PTPRK: variants seen among roughly 807,000 people sequenced by gnomAD.
PTPRK encodes the protein receptor-type tyrosine-protein phosphatase kappa.
PTPRK carries 75 observed loss-of-function variants against 178.0 expected under a neutral mutation model. That is an observed-to-expected ratio of 0.42 (90% CI 0.35 to 0.51). PTPRK has a LOEUF of 0.51. PTPRK is among the 20% of genes least tolerant of loss of function. PTPRK has a pLI of 0.02. For synonymous variants in PTPRK, 637 were observed against 620.6 expected (o/e 1.03, Z -0.39); for missense variants, 1,441 against 1,797.8 (o/e 0.80, Z 3.59).
At chr6:128,471,604 T>TAAAAAAAAAAAAAAAAAAAA (rs34372021) in intron 1 of PTPRK, among the ~76,000 whole-genome samples, 1 of 63,598 alleles carries the variant, frequency 1.6e-5, no homozygotes, top group African/African-American at 5.4e-5. Context: ...CAAAACAACC[T>TAAAAAAAAAAAAAAAAAAAA]AAAAAAAAAA....
intron 2 of PTPRK, among the ~76,000 whole-genome samples, chr6:128,352,814 T>C (rs893793238): frequency 1.3e-5 from 2 of 152,164 alleles, no homozygotes; most frequent in African/African-American, 4.8e-5. Flanking sequence ...TGCTCAGTAG[T>C]GTAGGAATAT....
At chr6:128,236,618 A>T (rs1285660013) in intron 5 of PTPRK, among the ~76,000 whole-genome samples, 1 of 152,066 alleles carries the variant, frequency 6.6e-6, no homozygotes, top group Non-Finnish European at 1.5e-5. Context: ...AAGTGCTGGG[A>T]TTACAGGCGT....
chr6:128,264,532 G>A (rs538545325), intron 3 of PTPRK, among the ~76,000 whole-genome samples: 2 of 151,816 alleles, frequency 1.3e-5, no homozygotes, highest in African/African-American at 2.4e-5. Context: ...GTCCAGGCTC[G>A]AGTGCAGTGG....
chr6:128,369,324 C>A, intron 2 of PTPRK, among the ~76,000 whole-genome samples: 1 of 152,084 alleles, frequency 6.6e-6, no homozygotes, highest in East Asian at 1.9e-4. Context: ...ATGTAAATAA[C>A]GTTTAAAGGC....
intron 1 of PTPRK, among the ~76,000 whole-genome samples, chr6:128,473,956 T>G (rs1426007489): frequency 6.6e-6 from 1 of 152,076 alleles, no homozygotes. Context: ...ATCTGAATTT[T>G]TAGTCTGTTC....
At chr6:128,066,944 G>A (rs1008516114) in intron 12 of PTPRK, among the ~76,000 whole-genome samples, 2 of 152,158 alleles carry the variant, frequency 1.3e-5, no homozygotes, top group Non-Finnish European at 2.9e-5. Context: ...ACAGAGAGCA[G>A]CCTTCTGTAA....
chr6:128,455,646 C>T (rs991514555), intron 1 of PTPRK, among the ~76,000 whole-genome samples: 1 of 152,120 alleles, frequency 6.6e-6, no homozygotes, highest in African/African-American at 2.4e-5. Flanking sequence ...TCTACCTCTC[C>T]TTCCCTCTTG....
chr6:128,183,616 C>A (rs1399163134), intron 7 of PTPRK, among the ~76,000 whole-genome samples: 1 of 151,998 alleles, frequency 6.6e-6, no homozygotes, highest in Non-Finnish European at 1.5e-5. Flanking sequence ...GGTAGCCCAA[C>A]AATACTGTCA....
chr6:128,204,775 T>A (rs1432553531), intron 6 of PTPRK, among the ~76,000 whole-genome samples: 3 of 152,150 alleles, frequency 2.0e-5, no homozygotes, highest in African/African-American at 7.2e-5. Context: ...CAACAGATGC[T>A]GGCAAGGGTG....
chr6:128,087,954 T>A (rs1214642181), intron 8 of PTPRK, among the ~76,000 whole-genome samples: 4 of 152,170 alleles, frequency 2.6e-5, no homozygotes, highest in Admixed American at 1.3e-4. Context: ...AACTATGGCA[T>A]AATAACCTCT....
At chr6:128,511,744 C>T (rs1366311268) in intron 1 of PTPRK, among the ~76,000 whole-genome samples, 1 of 152,184 alleles carries the variant, frequency 6.6e-6, no homozygotes, top group Non-Finnish European at 1.5e-5. Context: ...AATCTTTAAA[C>T]ATTTGTGTAC....
intron 7 of PTPRK, among the ~76,000 whole-genome samples, chr6:128,133,073 C>G (rs543652855): frequency 1.2e-4 from 18 of 152,284 alleles, no homozygotes; most frequent in African/African-American, 4.1e-4. Context: ...TGCATGCTGA[C>G]AATTTCTGCT....
intron 6 of PTPRK, among the ~76,000 whole-genome samples, chr6:128,195,549 T>C (rs528158468): frequency 1.3e-5 from 2 of 150,676 alleles, no homozygotes; most frequent in Non-Finnish European, 2.9e-5. Flanking sequence ...CATGTCTATG[T>C]AGGGTACAGA....
At chr6:128,451,382 A>C (rs1212706808) in intron 1 of PTPRK, among the ~76,000 whole-genome samples, 2 of 152,210 alleles carry the variant, frequency 1.3e-5, no homozygotes, top group African/African-American at 4.8e-5. Flanking sequence ...TCAAACTCTT[A>C]AGAAATTATA....
At chr6:128,361,560 ATT>A (rs967788225) in intron 2 of PTPRK, among the ~76,000 whole-genome samples, 13 of 152,310 alleles carry the variant, frequency 8.5e-5, no homozygotes, top group African/African-American at 3.1e-4. Flanking sequence ...CATAAGCATC[ATT>A]GAGTGTTACT....
intron 7 of PTPRK, among the ~76,000 whole-genome samples, chr6:128,144,402 C>T (rs1014626339): frequency 1.3e-5 from 2 of 152,264 alleles, no homozygotes; most frequent in East Asian, 1.9e-4. Context: ...CTTCGAGTTG[C>T]CTTGCCCTAC....
intron 13 of PTPRK, among the ~76,000 whole-genome samples, chr6:128,017,995 G>A (rs1473989413): frequency 1.3e-5 from 2 of 150,714 alleles, no homozygotes; most frequent in East Asian, 3.9e-4. Context: ...GGGCTTTTAT[G>A]TTCTTTAGTG....
chr6:128,481,958 T>C (rs895605778), intron 1 of PTPRK, among the ~76,000 whole-genome samples: 4 of 152,164 alleles, frequency 2.6e-5, no homozygotes, highest in Non-Finnish European at 5.9e-5. Context: ...GTACATTTTC[T>C]TCTCAGAACT....
At chr6:128,211,381 C>T (rs572541322) in intron 6 of PTPRK, among the ~76,000 whole-genome samples, 2 of 151,994 alleles carry the variant, frequency 1.3e-5, no homozygotes, top group Non-Finnish European at 2.9e-5. Context: ...TTTGTGTTGA[C>T]CTTATACTTG....
Sources: allele counts gnomAD v4.1 joint callset (sites outside exome capture counted in the v4.1 genomes callset), GRCh38; gene constraint gnomAD v4.1.1; transcripts MANE v1.5; gene names NCBI Gene and HGNC (gene_info 2026-07-23, HGNC 2026-07-21).